ZNF850: variants seen among roughly 807,000 people sequenced by gnomAD.
ZNF850 encodes putative zinc finger protein ENSP00000330994.
A neutral mutation model predicts 11.9 loss-of-function variants in ZNF850; 2 were observed. The observed-to-expected ratio is 0.17, with a 90% confidence interval of 0.07 to 0.53. The LOEUF (loss-of-function observed/expected upper bound fraction) is 0.53, where lower values mean the gene tolerates loss of function less well. ZNF850 is among the 20% of genes least tolerant of loss of function. ZNF850 has a pLI of 0.94. For missense variants in ZNF850, 1,014 were observed against 1,316.4 expected, an observed-to-expected ratio of 0.77 and a Z score of 3.55; for synonymous variants, 381 against 443.0, an observed-to-expected ratio of 0.86 and a Z score of 1.76.
At chr19:36,751,476 G>A (rs1046817770) in intron 4 of ZNF850, among the ~76,000 whole-genome samples, 9 of 151,938 alleles carry the variant, frequency 5.9e-5, no homozygotes, top group Admixed American at 1.3e-4. Context: ...TGAAGCGGGC[G>A]GACCACAAGG....
At chr19:36,769,276 A>AAAAAAAG (rs1555812486) in intron 1 of ZNF850, among the ~76,000 whole-genome samples, 4 of 113,176 alleles carry the variant, frequency 3.5e-5, no homozygotes, top group African/African-American at 4.2e-5. Context: ...AAAAAAAAAA[A>AAAAAAAG]AAAGAAAGAA....
At chr19:36,764,081 C>T (rs1300541526) in intron 1 of ZNF850, among the ~76,000 whole-genome samples, 1 of 151,220 alleles carries the variant, frequency 6.6e-6, no homozygotes, top group African/African-American at 2.4e-5. Context: ...CCCGTCTCCA[C>T]TAAAAATACA....
In ZNF850 at chr19:36,744,717, G is replaced by A. The variant is rs549472235; in HGVS notation, c.*3050C>T. On this transcript the variant is annotated 3_prime_UTR_variant, in exon 5 of 5. Transcript: ENST00000591344. ...ATGTTTAAATATCTCCAAGGAAGCA[G>A]TTACAAAAACATGGAGAATAATAAA... 1.1e-4 allele frequency: 16 copies of A among 152,284 alleles called. No individual in the cohort carries two copies. Among genetic ancestry groups the A allele is most frequent in the Admixed American group, 8.5e-4 (13 of 15,286 alleles). The allele number at this position is 152,284 out of a possible 1,614,324, so 9.4% of individuals were successfully genotyped here. A position where few individuals can be genotyped will look rare whatever the true frequency, so the allele number is the denominator to read the frequency against.
In ZNF850 at chr19:36,750,436, A is replaced by G; in HGVS notation, c.604T>C (p.Cys202Arg). Residue 202 changes from cysteine to arginine, a missense_variant, in exon 5 of 5, where the codon TGT (cysteine) becomes CGT (arginine). Physicochemically the swap from Cys to Arg is radical, Grantham distance 180. Coordinates refer to ENST00000591344, the MANE Select transcript of ZNF850 (RefSeq NM_001193552.2). ...TGEKLYKCKE[C>R]GKAFHHFSYL... Reference sequence around the variant, plus strand: ...GAAAAGTGATGAAAGGCCTTCCCACACTCCTTACATTTATAGAGTTTTTCA... The same window carrying G: ...GAAAAGTGATGAAAGGCCTTCCCACGCTCCTTACATTTATAGAGTTTTTCA... The G allele has an allele frequency of 6.5e-7, 1 of 1,536,246 alleles. No individual in the cohort carries two copies. The highest frequency in any genetic ancestry group is 1.2e-5 in the South Asian group (1 of 84,048).
chr19:36,765,247 G>C (rs1162989690), intron 1 of ZNF850, among the ~76,000 whole-genome samples: 1 of 152,166 alleles, frequency 6.6e-6, no homozygotes, highest in African/African-American at 2.4e-5. Flanking sequence ...AGGCCAAAAA[G>C]CTAACTTGAA....
Position 36,750,561 on chromosome 19 carries a change from T to C in ZNF850, c.479A>G (p.His160Arg), listed in dbSNP as rs1373822486. ...TFCLQTSLTL[H>R]HRIHPGEKLY... ...TTTCTCTCCAGGATGAATCCGATGATGCAGAGTGAGAGATGTCTGTAGGCA... is the reference window on the plus strand; with the variant it reads ...TTTCTCTCCAGGATGAATCCGATGACGCAGAGTGAGAGATGTCTGTAGGCA... Residue 160 changes from histidine to arginine, a missense_variant, in exon 5 of 5, where the codon CAT (histidine) becomes CGT (arginine). His to Arg is a conservative substitution (Grantham distance 29). This residue lies in a region of ZNF850 where 835 missense variants were observed against 1,022.0 expected (regional missense o/e 0.82). Transcript: ENST00000591344. 4 of 1,536,186 alleles carry C rather than the reference T, an allele frequency of 2.6e-6. No individual in the cohort carries two copies. Among genetic ancestry groups the C allele is most frequent in the Non-Finnish European group, 2.6e-6 (3 of 1,146,922 alleles).
intron 4 of ZNF850, 68 bp downstream of exon 4, chr19:36,761,575 G>A (rs1224909869): frequency 5.7e-6 from 5 of 877,406 alleles, no homozygotes; most frequent in Non-Finnish European, 8.9e-6. Flanking sequence ...TACCTGTACG[G>A]TGCTGCCTCC....
intron 1 of ZNF850, among the ~76,000 whole-genome samples, chr19:36,768,091 G>A (rs1441262668): frequency 2.6e-5 from 4 of 151,832 alleles, no homozygotes; most frequent in Non-Finnish European, 5.9e-5. Context: ...GGAGACCCCC[G>A]TCTCTGCAAA....
chr19:36,755,699 A>C (rs1288689347), intron 4 of ZNF850, among the ~76,000 whole-genome samples: 1 of 151,602 alleles, frequency 6.6e-6, no homozygotes, highest in African/African-American at 2.4e-5. Context: ...CAATAAAAAA[A>C]AAAAACAAAA....
At chr19:36,761,553 C>A in intron 4 of ZNF850, 90 bp downstream of exon 4, 1 of 639,020 alleles carries the variant, frequency 1.6e-6, no homozygotes. Flanking sequence ...GAAGAAGAGA[C>A]TCCTCAACCA....
At position 36,748,222 on chromosome 19, in the gene ZNF850, G is replaced by C; in HGVS notation, c.2818C>G (p.Leu940Val). ...GTGTGAATACTGTGATGTTTGGTGA[G>C]TCCTGAGAAACGGACAAAGGCTTTT... is the stretch of plus-strand genomic sequence containing the variant. ...CGKAFVRFSG[L>V]TKHHSIHTGE... is the part of the protein sequence containing the mutation. Residue 940 changes from leucine (L) to valine (V), a missense_variant, in exon 5 of 5, where the codon CTC (leucine) becomes GTC (valine). Physicochemically the swap from Leu to Val is conservative, Grantham distance 32. This residue lies in a region of ZNF850 where 179 missense variants were observed against 294.4 expected (regional missense o/e 0.61). Coordinates refer to ENST00000591344, the MANE Select transcript of ZNF850 (RefSeq NM_001193552.2). 9 of 1,552,686 alleles carry C rather than the reference G, an allele frequency of 5.8e-6. No homozygotes were observed. The highest frequency in any genetic ancestry group is 7.8e-6 in the Non-Finnish European group (9 of 1,152,028).
In ZNF850 at chr19:36,746,370, C is replaced by A. The variant is rs1020062244; in HGVS notation, c.*1397G>T. 7 of 152,172 alleles carry A rather than the reference C, an allele frequency of 4.6e-5. No individual in the cohort carries two copies. The highest frequency in any genetic ancestry group is 8.8e-5 in the Non-Finnish European group (6 of 68,044). 9.4% of individuals were successfully genotyped at this position (152,172 alleles called of 1,614,324 possible). ...TTGATAAACATGGTGTGTGTTCTGA[C>A]TACAAACTTAATTGATAAACACTGT... On this transcript the variant is annotated 3_prime_UTR_variant, in exon 5 of 5. Coordinates refer to ENST00000591344, the MANE Select transcript of ZNF850 (RefSeq NM_001193552.2).
chr19:36,748,533 G>C lies in ZNF850; in HGVS notation c.2507C>G (p.Thr836Ser). ...TTTACAACTGTAGCGTTTCTCACCA[G>C]TGTGAACTGGCCGATGTTGAATTAG... ...SALIQHRPVH[T>S]GEKRYSCKEC... Residue 836 changes from threonine to serine, a missense_variant, in exon 5 of 5, where the codon ACT becomes AGT. Physicochemically the swap from Thr to Ser is moderately conservative, Grantham distance 58. This residue lies in a region of ZNF850 where 835 missense variants were observed against 1,022.0 expected (regional missense o/e 0.82). Coordinates refer to ENST00000591344, the MANE Select transcript of ZNF850 (RefSeq NM_001193552.2). 6.5e-7 allele frequency: 1 copy of C among 1,537,564 alleles called. No individual in the cohort carries two copies. The highest frequency in any genetic ancestry group is 1.2e-5 in the South Asian group (1 of 84,068).
At position 36,745,357 on chromosome 19, in the gene ZNF850, T is replaced by C. The variant is rs1004043786; in HGVS notation, c.*2410A>G. On this transcript the variant is annotated 3_prime_UTR_variant, in exon 5 of 5. Transcript: ENST00000591344. Reference sequence around the variant, plus strand: ...GGTAAGATTTTTTTCATCAACTTTATTGAAGTGTAATTTACATATAATAAA... The same window carrying C: ...GGTAAGATTTTTTTCATCAACTTTACTGAAGTGTAATTTACATATAATAAA... The C allele has an allele frequency of 2.6e-5, 4 of 152,168 alleles. No homozygotes were observed. The highest frequency in any genetic ancestry group is 2.4e-5 in the African/African-American group (1 of 41,432). The allele number at this position is 152,168 out of a possible 1,614,324, so 9.4% of individuals were successfully genotyped here. A position where few individuals can be genotyped will look rare whatever the true frequency, so the allele number is the denominator to read the frequency against.
At chr19:36,762,542 C>A (rs1485610549) in intron 2 of ZNF850, 53 bp downstream of exon 2, 2 of 1,536,034 alleles carry the variant, frequency 1.3e-6, no homozygotes, top group African/African-American at 2.7e-5. Context: ...AGCAGACCAG[C>A]TAGGATGAGA....
chr19:36,745,727 T>C lies in ZNF850; in HGVS notation c.*2040A>G, dbSNP rs1378043323. ...AAAAGAAAGTCCCAGGTGCAGTGGC[T>C]CATGATTGTAATCCCAGCACTTTGA... On this transcript the variant is annotated 3_prime_UTR_variant, in exon 5 of 5. Coordinates refer to ENST00000591344, the MANE Select transcript of ZNF850 (RefSeq NM_001193552.2). The C allele has an allele frequency of 6.6e-6, 1 of 151,908 alleles. No individual in the cohort carries two copies. The highest frequency in any genetic ancestry group is 1.5e-5 in the Non-Finnish European group (1 of 68,244). 9.4% of individuals were successfully genotyped at this position (151,908 alleles called of 1,614,324 possible). A position where few individuals can be genotyped will look rare whatever the true frequency, so the allele number is the denominator to read the frequency against.
Position 36,750,730 on chromosome 19 carries a change from C to G in ZNF850, c.310G>C (p.Val104Leu), listed in dbSNP as rs1277124329. The G allele has an allele frequency of 6.5e-7, 1 of 1,536,130 alleles. No individual in the cohort carries two copies. Among genetic ancestry groups the G allele is most frequent in the South Asian group, 1.2e-5 (1 of 84,038 alleles). Residue 104 changes from valine to leucine, a missense_variant, in exon 5 of 5, where the codon GTG becomes CTG. Transcript: ENST00000591344. The part of the protein sequence containing the change: ...EIYEVTSSQW[V>L]RMEKCHSLVG... ...AGGCTATGACATTTTTCCATTCTCA[C>G]CCACTGAGATGATGTTACTTCATAG...
chr19:36,758,751 T>C (rs1301430561), intron 4 of ZNF850, among the ~76,000 whole-genome samples: 2 of 152,170 alleles, frequency 1.3e-5, no homozygotes, highest in South Asian at 2.1e-4. Context: ...CAGTGGATCA[T>C]GCATTTCTGT....
chr19:36,751,386 T>C (rs539831429), intron 4 of ZNF850, among the ~76,000 whole-genome samples: 4 of 151,610 alleles, frequency 2.6e-5, no homozygotes, highest in Admixed American at 2.6e-4. Context: ...GATCCTAGAA[T>C]AGGAAAAAAG....
Sources: gnomAD v4.1 joint callset for allele counts (sites outside exome capture counted in the v4.1 genomes callset) on GRCh38, gnomAD v4.1.1 for gene constraint, gnomAD v4.1.1 regional missense constraint, MANE v1.5 for transcripts, NCBI Gene and HGNC (gene_info 2026-07-23, HGNC 2026-07-21) for gene names.